The following IFTAP variants were observed in gnomAD, a reference collection of about 807,000 sequenced individuals.
The protein encoded by IFTAP is intraflagellar transport associated protein, also known as intraflagellar transport-associated protein.
A neutral mutation model predicts 19.4 loss-of-function variants in IFTAP; 19 were observed. The observed-to-expected ratio is 0.98, with a 90% CI of 0.68 to 1.44. The LOEUF (loss-of-function observed/expected upper bound fraction) is 1.44. Ranked by LOEUF, IFTAP falls within the 40% of genes most tolerant of loss-of-function variation. The probability of loss-of-function intolerance (pLI) is 0.00; values close to 1 mark genes in which losing one functional copy is unlikely to be tolerated. For missense variants in IFTAP, 240 were observed against 253.6 expected, an observed-to-expected ratio of 0.95 and a Z score of 0.36; for synonymous variants, 85 against 83.5, an observed-to-expected ratio of 1.02 and a Z score of -0.10.
intron 2 of IFTAP, among the ~76,000 whole-genome samples, chr11:36,622,101 T>TTTTTTTTTTTTA (rs1852317984): frequency 6.6e-6 from 1 of 151,184 alleles, no homozygotes; most frequent in Admixed American, 6.6e-5. Context: ...TTTTTTTTTT[T>TTTTTTTTTTTTA]GTGAAGGCTC....
intron 3 of IFTAP, 91 bp downstream of exon 3, chr11:36,633,529 C>G (rs1852809155): frequency 2.0e-6 from 2 of 1,020,396 alleles, no homozygotes; most frequent in African/African-American, 1.7e-5. Context: ...AAACACTAGA[C>G]AGTTATTAGA....
intron 2 of IFTAP, among the ~76,000 whole-genome samples, chr11:36,620,672 G>A (rs1246837475): frequency 6.6e-6 from 1 of 151,934 alleles, no homozygotes; most frequent in Non-Finnish European, 1.5e-5. Context: ...GAAAGAAAAT[G>A]TATTTAAATG....
intron 1 of IFTAP, among the ~76,000 whole-genome samples, chr11:36,596,322 C>T (rs1190803339): frequency 2.0e-5 from 3 of 149,008 alleles, no homozygotes; most frequent in African/African-American, 5.0e-5. Flanking sequence ...TTGGGAGACT[C>T]GTAAGGGGGT....
intron 1 of IFTAP, among the ~76,000 whole-genome samples, chr11:36,596,222 GTTTTTTTTTTT>G (rs67282079): frequency 1.7e-5 from 2 of 118,368 alleles, no homozygotes; most frequent in Non-Finnish European, 3.6e-5. Context: ...TTTTTTTTTT[GTTTTTTTTTTT>G]TTTTGCTTTA....
intron 4 of IFTAP, among the ~76,000 whole-genome samples, chr11:36,636,931 T>TGG (rs1852978113): frequency 1.3e-5 from 2 of 152,054 alleles, no homozygotes; most frequent in Non-Finnish European, 2.9e-5. Context: ...AAGTTTTTTT[T>TGG]TTTTTTTTTT....
intron 2 of IFTAP, among the ~76,000 whole-genome samples, chr11:36,621,906 A>G (rs979175272): frequency 3.9e-5 from 6 of 152,062 alleles, no homozygotes; most frequent in African/African-American, 9.7e-5. Flanking sequence ...TGGCAAGGCA[A>G]TATTAACTAT....
intron 3 of IFTAP, among the ~76,000 whole-genome samples, chr11:36,635,673 A>G (rs1590222145): frequency 1.3e-5 from 2 of 152,166 alleles, no homozygotes; most frequent in Non-Finnish European, 2.9e-5. Flanking sequence ...CATTTGCTTG[A>G]CAGGCAAAAG....
intron 4 of IFTAP, 93 bp downstream of exon 4, chr11:36,636,210 AC>A (rs1249307012): frequency 2.0e-5 from 18 of 900,530 alleles, no homozygotes; most frequent in Non-Finnish European, 2.8e-5. Context: ...GGCAATTCTT[AC>A]CTCCACCTCT....
At chr11:36,609,615 C>A (rs769532331) in intron 1 of IFTAP, among the ~76,000 whole-genome samples, 2 of 152,076 alleles carry the variant, frequency 1.3e-5, no homozygotes, top group African/African-American at 2.4e-5. Flanking sequence ...GCTGGCACTT[C>A]TCCATACTGA....
At chr11:36,637,702 C>A (rs575505346) in intron 4 of IFTAP, among the ~76,000 whole-genome samples, 14 of 152,198 alleles carry the variant, frequency 9.2e-5, no homozygotes, top group African/African-American at 3.4e-4. Flanking sequence ...CACGTGGAGA[C>A]AAATGGTTCT....
In IFTAP at chr11:36,653,258, A is replaced by G. The variant is rs114076096; in HGVS notation, c.498+5103A>G. Among the ~76,000 whole-genome samples, 352 of 152,296 alleles carry G rather than the reference A, an allele frequency of 2.3e-3. 3 individuals are homozygous for G. Among genetic ancestry groups the G allele is most frequent in the African/African-American group, 7.9e-3 (327 of 41,580 alleles). The stretch of plus-strand genomic sequence containing the variant: ...CTCCATCAACAGTGTCTCTGTTAGA[A>G]TAAGTCACATGAGAAATTTTAAGGG... On this transcript the variant is annotated intron_variant, in intron 5 of 5. Transcript: ENST00000334307.
At chr11:36,619,034 G>A (rs1423649454) in intron 2 of IFTAP, among the ~76,000 whole-genome samples, 2 of 152,000 alleles carry the variant, frequency 1.3e-5, no homozygotes, top group African/African-American at 2.4e-5. Flanking sequence ...AAGAGTCACA[G>A]GTATTTTGCC....
rs375337785 is a variant in IFTAP at position 36,614,353 on chromosome 11, A to G, written c.136+4114A>G. Among the ~76,000 whole-genome samples, 186 of 148,126 alleles carry G rather than the reference A, an allele frequency of 1.3e-3. 3 individuals carry two copies. In the South Asian group the frequency reaches 0.027, roughly 21 times the overall value. On this transcript the variant is annotated intron_variant, in intron 2 of 5. Coordinates refer to ENST00000334307, the MANE Select transcript of IFTAP (RefSeq NM_138787.4). ...TTTGGGTTGGTTCCAACTCTTTGCT[A>G]TTGTGAATAATGCCACAATAAACAT...
At position 36,625,972 on chromosome 11, in the gene IFTAP, G is replaced by A. The variant is rs538875147; in HGVS notation, c.137-7312G>A. ...GACCAGCAAGGAGGCCGGTGTGGCT[G>A]GAGTTGCATGAGCAACGGTGAAAGG... On this transcript the variant is annotated intron_variant, in intron 2 of 5. Transcript: ENST00000334307. 1.1e-4 allele frequency among the ~76,000 whole-genome samples: 16 copies of A among 145,454 alleles called. No individual in the cohort carries two copies. The East Asian group carries it at 2.9e-3, about 26-fold the overall frequency.
intron 1 of IFTAP, 87 bp from the exon 2 acceptor site, chr11:36,609,994 G>A: frequency 8.2e-7 from 1 of 1,225,094 alleles, no homozygotes. Flanking sequence ...TTGGAGCCTT[G>A]GAATTTTTCA....
In IFTAP at chr11:36,632,956, C is replaced by T. The variant is rs571258901; in HGVS notation, c.137-328C>T. On this transcript the variant is annotated intron_variant, in intron 2 of 5. Transcript: ENST00000334307. ...ATTGCTTTCATATAAAGAAAAAAAT[C>T]CCTCAAATTTAGAAAAAGATGTGAT... Among the ~76,000 whole-genome samples, 11 of 150,984 alleles carry T rather than the reference C, an allele frequency of 7.3e-5. No homozygotes were observed. The South Asian group carries it at 2.3e-3, about 31-fold the overall frequency.
At chr11:36,610,973 G>C (rs1380232042) in intron 2 of IFTAP, among the ~76,000 whole-genome samples, 1 of 152,102 alleles carries the variant, frequency 6.6e-6, no homozygotes, top group Non-Finnish European at 1.5e-5. Flanking sequence ...ACGTTTGAAA[G>C]TTGGGTAATT....
chr11:36,607,115 G>T (rs941757935), intron 1 of IFTAP, among the ~76,000 whole-genome samples: 3 of 152,130 alleles, frequency 2.0e-5, no homozygotes, highest in African/African-American at 7.2e-5. Context: ...TGCTTTATCT[G>T]GGGTTGTAAT....
chr11:36,596,061 A>C (rs1851217070), intron 1 of IFTAP, among the ~76,000 whole-genome samples: 1 of 152,236 alleles, frequency 6.6e-6, no homozygotes, highest in African/African-American at 2.4e-5. Flanking sequence ...TAAATGGGAT[A>C]GCACGTGTAA....
Sources: gnomAD v4.1 joint callset for allele counts (sites outside exome capture counted in the v4.1 genomes callset) on GRCh38, gnomAD v4.1.1 for gene constraint, MANE v1.5 for transcripts, NCBI Gene and HGNC (gene_info 2026-07-23, HGNC 2026-07-21) for gene names.